Variants in STX8 observed in about 807,000 individuals in gnomAD.
The protein encoded by STX8 is syntaxin-8.
A neutral mutation model predicts 37.5 loss-of-function variants in STX8; 23 were observed. The observed-to-expected ratio is 0.61, with a 90% CI of 0.44 to 0.87. The LOEUF is 0.87. Ranked by LOEUF, STX8 falls within the 40% of genes least tolerant of loss-of-function variation. The pLI is 0.00. For missense variants in STX8, 313 were observed against 284.7 expected (o/e 1.10, Z -0.71); for synonymous variants, 115 against 99.1 (o/e 1.16, Z -0.95).
intron 6 of STX8, among the ~76,000 whole-genome samples, chr17:9,418,144 G>C (rs1165755940): frequency 6.6e-6 from 1 of 152,186 alleles, no homozygotes; most frequent in Non-Finnish European, 1.5e-5. Flanking sequence ...GTGAGACGGA[G>C]CCCTTCAAAC....
Position 9,550,223 on chromosome 17 carries a change from C to CA in STX8, c.213-4942dup, listed in dbSNP as rs879537758. On this transcript the variant is annotated intron_variant, in intron 3 of 7. Transcript: ENST00000306357. ...TGGGCAACAAAGTGAGACTCCATCT[C>CA]AAAAAAAAAAAAAAGTAGTACAGCA... is the stretch of plus-strand genomic sequence containing the variant. Among the ~76,000 whole-genome samples, 593 of 124,772 alleles carry CA rather than the reference C, an allele frequency of 4.8e-3. 2 individuals are homozygous for CA. Among genetic ancestry groups the CA allele is most frequent in the African/African-American group, 0.015 (491 of 33,506 alleles). The allele number at this position is 124,772 out of a possible 152,430, so 81.9% of individuals were successfully genotyped here.
chr17:9,260,088 ATAG>A (rs942089702), intron 7 of STX8, among the ~76,000 whole-genome samples: 2 of 152,064 alleles, frequency 1.3e-5, no homozygotes, highest in African/African-American at 2.4e-5. Context: ...AATAATATTA[ATAG>A]TAGTAGTGTC....
intron 3 of STX8, chr17:9,553,771 A>G (rs926218494): frequency 2.0e-5 from 3 of 152,188 alleles, no homozygotes; most frequent in African/African-American, 7.2e-5. Context: ...TAACACAACA[A>G]TTCATAGAGA....
In STX8 at chr17:9,471,151, C is replaced by CTTT. The variant is rs34907512; in HGVS notation, c.541+20675_541+20677dup. Reference sequence around the variant, plus strand: ...CCGGGGCGTGAGCCACCGCACCCTGCTTTTTTTTTTTTTTTTTTTTGAGAC... The same window carrying CTTT: ...CCGGGGCGTGAGCCACCGCACCCTGCTTTTTTTTTTTTTTTTTTTTTTTGAGAC... On this transcript the variant is annotated intron_variant, in intron 6 of 7. Coordinates refer to ENST00000306357, the MANE Select transcript of STX8 (RefSeq NM_004853.3). 2.7e-3 allele frequency among the ~76,000 whole-genome samples: 136 copies of CTTT among 51,272 alleles called. 25 individuals are homozygous for CTTT. The highest frequency in any genetic ancestry group is 0.014 in the East Asian group (22 of 1,588). The allele number at this position is 51,272 out of a possible 152,430, so 33.6% of individuals were successfully genotyped here.
At chr17:9,520,099 G>A (rs142846228) in intron 4 of STX8, among the ~76,000 whole-genome samples, 9 of 152,198 alleles carry the variant, frequency 5.9e-5, no homozygotes, top group African/African-American at 9.6e-5. Flanking sequence ...ACAGAGCCTC[G>A]GAATATGCCA....
rs74479817 is a variant in STX8 at position 9,278,072 on chromosome 17, A to G, written c.644-27427T>C. Among the ~76,000 whole-genome samples the G allele has an allele frequency of 5.4e-3, 820 of 152,132 alleles. 25 individuals are homozygous for G. Among genetic ancestry groups the G allele is most frequent in the African/African-American group, 0.018 (761 of 41,436 alleles). On this transcript the variant is annotated intron_variant, in intron 7 of 7. Coordinates refer to ENST00000306357, the MANE Select transcript of STX8 (RefSeq NM_004853.3). ...TCCAGGTCCAAGTAAAGCCAACAAG[A>G]CCTCTTTGAGAGAACTATCCCAGCA...
chr17:9,545,057 A>G, intron 4 of STX8, 115 bp downstream of exon 4: 4 of 665,662 alleles, frequency 6.0e-6, no homozygotes. Context: ...AAACACCATA[A>G]ATGAATAGAA....
intron 7 of STX8, among the ~76,000 whole-genome samples, chr17:9,302,718 CAG>C (rs943629261): frequency 6.6e-6 from 1 of 151,910 alleles, no homozygotes; most frequent in African/African-American, 2.4e-5. Context: ...GGAGACAAGA[CAG>C]AGAGAAAGTG....
chr17:9,292,296 G>A (rs943242618), intron 7 of STX8, among the ~76,000 whole-genome samples: 10 of 152,264 alleles, frequency 6.6e-5, no homozygotes, highest in African/African-American at 2.2e-4. Context: ...CCACCGTGGG[G>A]CCTGTCCGTG....
intron 7 of STX8, among the ~76,000 whole-genome samples, chr17:9,260,143 A>G (rs557921386): frequency 6.6e-6 from 1 of 152,294 alleles, no homozygotes; most frequent in African/African-American, 2.4e-5. Flanking sequence ...CAACAATGCG[A>G]GATCCCACCT....
At chr17:9,358,583 T>A (rs1910956603) in intron 7 of STX8, among the ~76,000 whole-genome samples, 1 of 152,196 alleles carries the variant, frequency 6.6e-6, no homozygotes, top group Non-Finnish European at 1.5e-5. Context: ...TCCGTTATCT[T>A]CTAAACACAC....
chr17:9,568,271 A>G, intron 2 of STX8, 100 bp downstream of exon 2: 1 of 808,624 alleles, frequency 1.2e-6, no homozygotes, highest in East Asian at 2.7e-5. Flanking sequence ...ATAGATCATC[A>G]TACACACATG....
chr17:9,285,250 T>C (rs1908032500), intron 7 of STX8, among the ~76,000 whole-genome samples: 1 of 152,066 alleles, frequency 6.6e-6, no homozygotes, highest in Non-Finnish European at 1.5e-5. Flanking sequence ...TCAGGAAGCC[T>C]GGGCTCAGAC....
intron 6 of STX8, among the ~76,000 whole-genome samples, chr17:9,393,411 ACAG>A (rs1912292946): frequency 6.6e-6 from 1 of 152,238 alleles, no homozygotes; most frequent in Non-Finnish European, 1.5e-5. Context: ...CGAAGGATGA[ACAG>A]CAGAAATGGT....
chr17:9,318,764 A>G (rs1909470428), intron 7 of STX8, among the ~76,000 whole-genome samples: 1 of 152,246 alleles, frequency 6.6e-6, no homozygotes, highest in African/African-American at 2.4e-5. Flanking sequence ...GTGAGAATTC[A>G]TAAGGCATAC....
chr17:9,292,575 A>C (rs1908352331), intron 7 of STX8, among the ~76,000 whole-genome samples: 2 of 152,202 alleles, frequency 1.3e-5, no homozygotes, highest in African/African-American at 4.8e-5. Context: ...GCTAATGGCT[A>C]ATCTCGAGCA....
chr17:9,255,454 G>A (rs1241555779), intron 7 of STX8, among the ~76,000 whole-genome samples: 2 of 152,016 alleles, frequency 1.3e-5, no homozygotes, highest in African/African-American at 2.4e-5. Flanking sequence ...TTGAACTCGG[G>A]AGGCGGAGGT....
chr17:9,350,360 C>T (rs1056433703), intron 7 of STX8, among the ~76,000 whole-genome samples: 5 of 152,198 alleles, frequency 3.3e-5, no homozygotes, highest in Non-Finnish European at 4.4e-5. Context: ...CTGTGGTTGA[C>T]CACAGGTAAC....
chr17:9,460,686 A>AAC (rs1905344735), intron 6 of STX8, among the ~76,000 whole-genome samples: 1 of 141,220 alleles, frequency 7.1e-6, no homozygotes, highest in South Asian at 2.1e-4. Flanking sequence ...AAAAAAAAAA[A>AAC]AACAAAACAA....
Sources: gnomAD v4.1 joint callset for allele counts (sites outside exome capture counted in the v4.1 genomes callset) on GRCh38, gnomAD v4.1.1 for gene constraint, MANE v1.5 for transcripts, NCBI Gene and HGNC (gene_info 2026-07-23, HGNC 2026-07-21) for gene names.